HECW1: variants seen among roughly 807,000 people sequenced by gnomAD.
HECW1 encodes the protein E3 ubiquitin-protein ligase HECW1.
HECW1 carries 61 observed loss-of-function variants against 182.3 expected under a neutral mutation model. The ratio of observed to expected loss-of-function variants is 0.33; its 90% CI spans 0.27 to 0.41. HECW1 has a LOEUF of 0.41. Ranked by LOEUF, HECW1 falls within the 10% of genes least tolerant of loss-of-function variation. The probability of loss-of-function intolerance (pLI) is 1.00; values close to 1 mark genes in which losing one functional copy is unlikely to be tolerated. For missense variants in HECW1, 1,739 were observed against 2,108.9 expected, an observed-to-expected ratio of 0.82 and a Z score of 3.44; for synonymous variants, 859 against 832.6, an observed-to-expected ratio of 1.03 and a Z score of -0.55.
intron 14 of HECW1, 60 bp downstream of exon 14, chr7:43,463,859 C>G: frequency 6.4e-6 from 10 of 1,571,572 alleles, no homozygotes; most frequent in Non-Finnish European, 8.7e-6. Context: ...TGACAGAGGG[C>G]TACAAGCCTC....
Position 43,342,175 on chromosome 7 carries a change from T to C in HECW1, c.461-18711T>C, listed in dbSNP as rs540291728. ...GAGATTCAACAGGTAATATCAGTTT[T>C]TAAATTAACATAAATTTTCCAGTGT... On this transcript the variant is annotated intron_variant, in intron 5 of 29. Coordinates refer to ENST00000395891, the MANE Select transcript of HECW1 (RefSeq NM_015052.5). 1.7e-4 allele frequency among the ~76,000 whole-genome samples: 26 copies of C among 151,950 alleles called. 2 individuals carry two copies. The highest frequency in any genetic ancestry group is 6.1e-4 in the African/African-American group (25 of 41,218).
At chr7:43,278,431 C>T (rs1803453188) in intron 3 of HECW1, among the ~76,000 whole-genome samples, 1 of 152,168 alleles carries the variant, frequency 6.6e-6, no homozygotes, top group South Asian at 2.1e-4. Flanking sequence ...GCTCCCCCAT[C>T]ACTGCAGCGG....
Position 43,456,414 on chromosome 7 carries a change from G to C in HECW1, c.2618G>C (p.Gly873Ala), listed in dbSNP as rs1299798640. The C allele has an allele frequency of 3.7e-6, 6 of 1,613,950 alleles. No homozygotes were observed. The highest frequency in any genetic ancestry group is 1.1e-5 in the South Asian group (1 of 91,002). Reference sequence around the variant, plus strand: ...ACCCCGGATGGCATGCGGAGATCGGGGTCCATCCAGCAGATGGAGCAACTC... The same window carrying C: ...ACCCCGGATGGCATGCGGAGATCGGCGTCCATCCAGCAGATGGAGCAACTC... ...AATPDGMRRS[G>A]SIQQMEQLNR... The change falls in exon 13 of 30, where the codon GGG becomes GCG. Residue 873 changes from glycine to alanine, a missense_variant. By Grantham distance (60) the Gly-to-Ala change is moderately conservative. Transcript: ENST00000395891.
chr7:43,163,951 T>C (rs1176450223), intron 2 of HECW1, among the ~76,000 whole-genome samples: 2 of 152,158 alleles, frequency 1.3e-5, no homozygotes, highest in East Asian at 1.9e-4. Context: ...AGAATCTCAG[T>C]CTAAGAGAAA....
chr7:43,495,731 C>G (rs553393295), intron 19 of HECW1, among the ~76,000 whole-genome samples: 32 of 152,350 alleles, frequency 2.1e-4, no homozygotes, highest in African/African-American at 7.0e-4. Context: ...TGCACTGCTG[C>G]AGAAGGCAGA....
intron 5 of HECW1, among the ~76,000 whole-genome samples, chr7:43,337,489 T>C (rs1812447779): frequency 6.6e-6 from 1 of 152,204 alleles, no homozygotes; most frequent in South Asian, 2.1e-4. Context: ...GTCAGTCAAG[T>C]GGCCAAGAGC....
At chr7:43,125,062 G>GC (rs1464576773) in intron 2 of HECW1, among the ~76,000 whole-genome samples, 1 of 152,138 alleles carries the variant, frequency 6.6e-6, no homozygotes, top group African/African-American at 2.4e-5. Flanking sequence ...TTCTGTAAGA[G>GC]CCCCCTTCTG....
chr7:43,124,059 A>G (rs1473489610), intron 2 of HECW1, among the ~76,000 whole-genome samples: 2 of 152,232 alleles, frequency 1.3e-5, no homozygotes, highest in African/African-American at 4.8e-5. Context: ...GGAAGCATCA[A>G]GCTCTAAGAT....
chr7:43,415,011 G>A (rs1198977749), intron 8 of HECW1, among the ~76,000 whole-genome samples: 1 of 152,058 alleles, frequency 6.6e-6, no homozygotes, highest in Non-Finnish European at 1.5e-5. Flanking sequence ...TTTAATTGGA[G>A]CATTTAGCCC....
intron 24 of HECW1, among the ~76,000 whole-genome samples, chr7:43,529,307 A>G (rs2080886759): frequency 6.6e-6 from 1 of 151,668 alleles, no homozygotes; most frequent in African/African-American, 2.4e-5. Context: ...TTCCCTGCAC[A>G]CCCAATTCCC....
At chr7:43,346,135 A>G (rs981652690) in intron 5 of HECW1, among the ~76,000 whole-genome samples, 1 of 152,022 alleles carries the variant, frequency 6.6e-6, no homozygotes, top group Non-Finnish European at 1.5e-5. Context: ...TTCCCTGTTC[A>G]CCACATCCAC....
chr7:43,565,214 A>T lies in HECW1; in HGVS notation c.*3288A>T, dbSNP rs1026645483. On this transcript the variant is annotated 3_prime_UTR_variant, in exon 30 of 30. Coordinates refer to ENST00000395891, the MANE Select transcript of HECW1 (RefSeq NM_015052.5). ...CTGAACTCTTTGTAATTTCCTATGT[A>T]TATAAATGAGTGGAGGTTGTGAAGA... 3.0e-5 allele frequency: 6 copies of T among 202,248 alleles called. No individual in the cohort carries two copies. Among genetic ancestry groups the T allele is most frequent in the Admixed American group, 2.4e-4 (4 of 16,710 alleles). The allele number at this position is 202,248 out of a possible 1,614,324, so 12.5% of individuals were successfully genotyped here.
At chr7:43,410,259 CT>C (rs1423085473) in intron 8 of HECW1, among the ~76,000 whole-genome samples, 2 of 152,196 alleles carry the variant, frequency 1.3e-5, no homozygotes, top group African/African-American at 4.8e-5. Flanking sequence ...GCCCAGGATG[CT>C]GGCACGGTTG....
chr7:43,387,640 C>CA (rs1214222701), intron 6 of HECW1, among the ~76,000 whole-genome samples: 2 of 152,136 alleles, frequency 1.3e-5, no homozygotes, highest in Admixed American at 6.5e-5. Context: ...CAGACCAATG[C>CA]TTTTTGTTGG....
chr7:43,328,417 A>G (rs746470204), intron 5 of HECW1, among the ~76,000 whole-genome samples: 3 of 152,222 alleles, frequency 2.0e-5, no homozygotes, highest in African/African-American at 7.2e-5. Flanking sequence ...AACATGGGAC[A>G]CAGAAGAAGC....
At chr7:43,501,997 G>A (rs1448731519) in intron 21 of HECW1, among the ~76,000 whole-genome samples, 2 of 152,150 alleles carry the variant, frequency 1.3e-5, no homozygotes, top group Non-Finnish European at 2.9e-5. Context: ...TTGAGTAATA[G>A]CAACAGAAAC....
intron 24 of HECW1, among the ~76,000 whole-genome samples, chr7:43,540,500 G>A (rs533499149): frequency 4.6e-5 from 7 of 152,324 alleles, no homozygotes; most frequent in Non-Finnish European, 7.4e-5. Flanking sequence ...TCAATGCTCC[G>A]ACAAGCATTT....
At chr7:43,377,766 A>G (rs565292328) in intron 6 of HECW1, 27 of 206,470 alleles carry the variant, frequency 1.3e-4, no homozygotes, top group African/African-American at 4.3e-4. Flanking sequence ...CTCTCTGCCA[A>G]TGGGAAGTCG....
rs956601444 is a variant in HECW1, at chr7:43,125,021, G to A, written c.-32+10630G>A. Among the ~76,000 whole-genome samples the A allele has an allele frequency of 2.0e-5, 3 of 152,132 alleles. No individual in the cohort carries two copies. In the South Asian group the frequency reaches 6.2e-4, roughly 32 times the overall value. ...CAGAAATTTATTTCTTACAGTTGTG[G>A]AGGCTGGAAATCCAACCCAGTGTGG... On this transcript the variant is annotated intron_variant, in intron 2 of 29. Coordinates refer to ENST00000395891, the MANE Select transcript of HECW1 (RefSeq NM_015052.5).
Sources: gnomAD v4.1 joint callset for allele counts (sites outside exome capture counted in the v4.1 genomes callset) on GRCh38, gnomAD v4.1.1 for gene constraint, MANE v1.5 for transcripts, NCBI Gene and HGNC (gene_info 2026-07-23, HGNC 2026-07-21) for gene names.